Variants in LRMDA observed in about 807,000 individuals in gnomAD.
LRMDA encodes the protein leucine-rich melanocyte differentiation-associated protein.
In LRMDA, 18 loss-of-function variants were observed where a neutral mutation model predicts 29.8. The ratio of observed to expected loss-of-function variants is 0.60; its 90% CI spans 0.42 to 0.90. The LOEUF (loss-of-function observed/expected upper bound fraction) is 0.90, where lower values mean the gene tolerates loss of function less well. LRMDA is among the 40% of genes least tolerant of loss of function. LRMDA has a pLI of 0.00. For synonymous variants in LRMDA, 125 were observed against 109.4 expected (o/e 1.14, Z -0.89); for missense variants, 273 against 273.9 (o/e 1.00, Z 0.02).
intron 2 of LRMDA, among the ~76,000 whole-genome samples, chr10:75,627,584 C>T (rs1841266882): frequency 6.6e-6 from 1 of 152,114 alleles, no homozygotes. Context: ...GTCAGTGAGA[C>T]AAAAGGCAGA....
intron 5 of LRMDA, among the ~76,000 whole-genome samples, chr10:76,289,561 G>A (rs549892232): frequency 2.6e-5 from 4 of 152,200 alleles, no homozygotes; most frequent in South Asian, 4.2e-4. Context: ...CTAATAAAAC[G>A]CATTGTCTAA....
At chr10:76,251,226 CTTTTTTTTTTTTTTTTTTTTTTTTTT>C (rs558637864) in intron 5 of LRMDA, among the ~76,000 whole-genome samples, 5 of 70,262 alleles carry the variant, frequency 7.1e-5, no homozygotes, top group African/African-American at 1.8e-4. Flanking sequence ...CCCGTCGCTT[CTTTTTTTTTTTTTTTTTTTTTTTTTT>C]TTTTTTTTTT....
chr10:76,082,583 A>G (rs1284846179), intron 5 of LRMDA, among the ~76,000 whole-genome samples: 5 of 152,096 alleles, frequency 3.3e-5, no homozygotes, highest in African/African-American at 1.2e-4. Flanking sequence ...TACAAGGAAT[A>G]AAGCTGAATG....
At chr10:76,113,020 C>T (rs533934718) in intron 5 of LRMDA, among the ~76,000 whole-genome samples, 27 of 152,328 alleles carry the variant, frequency 1.8e-4, no homozygotes, top group Admixed American at 1.5e-3. Context: ...AACCAGAGGA[C>T]TTAACCTCCT....
chr10:75,911,986 T>C (rs768002410), intron 2 of LRMDA, among the ~76,000 whole-genome samples: 1 of 152,176 alleles, frequency 6.6e-6, no homozygotes, highest in African/African-American at 2.4e-5. Context: ...GAACCACTTT[T>C]GCTTGGGACA....
Position 76,190,813 on chromosome 10 carries a change from G to A in LRMDA, c.516+132030G>A, listed in dbSNP as rs1032103064. Among the ~76,000 whole-genome samples the A allele has an allele frequency of 7.9e-5, 12 of 152,152 alleles. No homozygotes were observed. The East Asian group carries it at 9.6e-4, about 12-fold the overall frequency. On this transcript the variant is annotated intron_variant, in intron 5 of 6. Coordinates refer to ENST00000611255, the MANE Select transcript of LRMDA (RefSeq NM_001305581.2). ...TTAATAGGCCTTCCAAAACACATAC[G>A]CTGTAATATAAGGGATTGGTTGCCT... is the stretch of plus-strand genomic sequence containing the variant.
intron 4 of LRMDA, among the ~76,000 whole-genome samples, chr10:76,057,132 G>A (rs1848628988): frequency 6.6e-6 from 1 of 152,166 alleles, no homozygotes; most frequent in African/African-American, 2.4e-5. Flanking sequence ...GTTCCTTGAT[G>A]CCCATTTGAG....
At chr10:76,542,999 G>A (rs989190741) in intron 6 of LRMDA, among the ~76,000 whole-genome samples, 3 of 152,230 alleles carry the variant, frequency 2.0e-5, no homozygotes, top group East Asian at 3.9e-4. Flanking sequence ...TGCCTGAGAC[G>A]GGAAGATTAT....
At chr10:76,097,521 G>C (rs1849331689) in intron 5 of LRMDA, among the ~76,000 whole-genome samples, 2 of 152,290 alleles carry the variant, frequency 1.3e-5, no homozygotes, top group Admixed American at 1.3e-4. Context: ...AGACAGCCAG[G>C]CTATCACAAC....
chr10:76,546,703 C>A (rs1391204944), intron 6 of LRMDA, among the ~76,000 whole-genome samples: 1 of 152,188 alleles, frequency 6.6e-6, no homozygotes, highest in African/African-American at 2.4e-5. Context: ...TGAATCCACT[C>A]ATGTATTTTT....
At chr10:75,900,609 C>G (rs1224571709) in intron 2 of LRMDA, among the ~76,000 whole-genome samples, 1 of 152,166 alleles carries the variant, frequency 6.6e-6, no homozygotes, top group Non-Finnish European at 1.5e-5. Flanking sequence ...GCATTGCCCC[C>G]CAGCCCCCGC....
intron 2 of LRMDA, among the ~76,000 whole-genome samples, chr10:75,790,079 A>G (rs533065947): frequency 2.0e-5 from 3 of 152,274 alleles, no homozygotes; most frequent in South Asian, 4.1e-4. Flanking sequence ...AACAATCACA[A>G]TGAAAGAATT....
intron 2 of LRMDA, among the ~76,000 whole-genome samples, chr10:75,678,483 A>T (rs533052827): frequency 1.3e-5 from 2 of 152,310 alleles, no homozygotes; most frequent in African/African-American, 4.8e-5. Flanking sequence ...GCTCTCATTT[A>T]TAGTACTGGC....
chr10:76,212,269 A>ACACAT (rs533888320), intron 5 of LRMDA, among the ~76,000 whole-genome samples: 11 of 135,346 alleles, frequency 8.1e-5, no homozygotes, highest in East Asian at 4.2e-4. Flanking sequence ...ACACACACAT[A>ACACAT]AAAAAAAAAA....
At chr10:75,441,999 TC>T (rs1465744758) in intron 2 of LRMDA, among the ~76,000 whole-genome samples, 1 of 152,246 alleles carries the variant, frequency 6.6e-6, no homozygotes, top group East Asian at 1.9e-4. Flanking sequence ...GAAGAAAGTC[TC>T]ATTTACACCA....
At chr10:75,935,047 C>G (rs1846264942) in intron 2 of LRMDA, among the ~76,000 whole-genome samples, 1 of 152,024 alleles carries the variant, frequency 6.6e-6, no homozygotes, top group Admixed American at 6.6e-5. Context: ...TCTTGGTTTG[C>G]TCTCAGTTTC....
chr10:75,568,903 G>A (rs1194834258), intron 2 of LRMDA, among the ~76,000 whole-genome samples: 1 of 152,142 alleles, frequency 6.6e-6, no homozygotes, highest in Non-Finnish European at 1.5e-5. Flanking sequence ...GCTATTCACT[G>A]GCAGGTGTGA....
intron 2 of LRMDA, among the ~76,000 whole-genome samples, chr10:75,521,822 T>C (rs1372211466): frequency 6.6e-6 from 1 of 152,234 alleles, no homozygotes; most frequent in East Asian, 1.9e-4. Context: ...ACCAGAGCTG[T>C]TCCTATTCGG....
intron 6 of LRMDA, among the ~76,000 whole-genome samples, chr10:76,368,226 T>C (rs780684598): frequency 1.3e-5 from 2 of 152,214 alleles, no homozygotes; most frequent in Non-Finnish European, 2.9e-5. Flanking sequence ...CTTTTTGATG[T>C]AGGCGTTTAG....
Sources: allele counts gnomAD v4.1 joint callset (sites outside exome capture counted in the v4.1 genomes callset), GRCh38; gene constraint gnomAD v4.1.1; transcripts MANE v1.5; gene names NCBI Gene and HGNC (gene_info 2026-07-23, HGNC 2026-07-21).